The following NFIA variants were observed in gnomAD, a reference collection of about 807,000 sequenced individuals.
NFIA encodes nuclear factor I A, also known as nuclear factor 1 A-type.
NFIA carries 8 observed loss-of-function variants against 62.8 expected under a neutral mutation model. The ratio of observed to expected loss-of-function variants is 0.13; its 90% CI spans 0.07 to 0.23. The LOEUF (loss-of-function observed/expected upper bound fraction) is 0.23, where lower values mean the gene tolerates loss of function less well. Among genes scored for constraint, NFIA ranks in the 10% least tolerant of loss-of-function variants. The pLI is 1.00. For synonymous variants in NFIA, 235 were observed against 238.1 expected (o/e 0.99, Z 0.12); for missense variants, 410 against 642.1 (o/e 0.64, Z 3.91).
chr1:61,288,854 A>T (rs1570520059), intron 3 of NFIA, among the ~76,000 whole-genome samples: 1 of 152,030 alleles, frequency 6.6e-6, no homozygotes, highest in Non-Finnish European at 1.5e-5. Context: ...TGCAGCCTCA[A>T]CCTCCCAGGC....
intron 9 of NFIA, among the ~76,000 whole-genome samples, chr1:61,417,184 G>A (rs1363920731): frequency 6.6e-5 from 10 of 151,212 alleles, no homozygotes; most frequent in Admixed American, 5.9e-4. Context: ...TAGGAAATTT[G>A]CAAAATATAG....
chr1:61,226,189 C>G (rs1260558721), intron 2 of NFIA, among the ~76,000 whole-genome samples: 2 of 152,124 alleles, frequency 1.3e-5, no homozygotes, highest in Non-Finnish European at 2.9e-5. Flanking sequence ...GGTTATTAAA[C>G]CAAAGTTTGC....
chr1:61,339,175 G>T (rs1661772106), intron 4 of NFIA, among the ~76,000 whole-genome samples: 1 of 152,080 alleles, frequency 6.6e-6, no homozygotes, highest in African/African-American at 2.4e-5. Context: ...ATGGAACTCG[G>T]CATAATTGGA....
chr1:61,400,327 T>C (rs77075332), intron 7 of NFIA, among the ~76,000 whole-genome samples: 3,770 of 152,326 alleles, frequency 0.025, 60 homozygotes, highest in Non-Finnish European at 0.041. Context: ...CCCAAACAGT[T>C]GTTTTAAACA....
chr1:61,320,110 CT>C (rs34013347), intron 3 of NFIA, among the ~76,000 whole-genome samples: 169 of 145,820 alleles, frequency 1.2e-3, no homozygotes, highest in Middle Eastern at 3.4e-3. Flanking sequence ...CATTCTACTT[CT>C]TTTTTTTTTT....
chr1:61,320,568 A>G (rs1359997189), intron 3 of NFIA, among the ~76,000 whole-genome samples: 2 of 152,156 alleles, frequency 1.3e-5, no homozygotes, highest in Admixed American at 6.6e-5. Context: ...GATTTTTAAA[A>G]AATATTATTG....
chr1:61,429,495 C>T (rs1013411718), intron 10 of NFIA, among the ~76,000 whole-genome samples: 2 of 152,196 alleles, frequency 1.3e-5, no homozygotes, highest in Non-Finnish European at 2.9e-5. Context: ...AACTGATGCT[C>T]ACTTCTCAGG....
At chr1:61,352,333 G>C (rs908689925) in intron 4 of NFIA, 117 bp from the exon 5 acceptor site, 1 of 678,872 alleles carries the variant, frequency 1.5e-6, no homozygotes, top group Admixed American at 2.6e-5. Context: ...GATTATTTTC[G>C]ATTCGCTTAC....
chr1:61,178,427 T>C (rs1427679232), intron 2 of NFIA, among the ~76,000 whole-genome samples: 1 of 152,190 alleles, frequency 6.6e-6, no homozygotes, highest in Non-Finnish European at 1.5e-5. Flanking sequence ...TGCTAGGTGC[T>C]TTTCCAAATG....
chr1:61,082,006 G>C (rs1439348143), upstream of NFIA: 8 of 1,550,038 alleles, frequency 5.2e-6, no homozygotes, highest in Non-Finnish European at 7.0e-6. Context: ...GGCCCGGGGG[G>C]TGCGGGGCAA....
chr1:61,273,682 G>A (rs1229331601), intron 2 of NFIA, among the ~76,000 whole-genome samples: 2 of 152,172 alleles, frequency 1.3e-5, no homozygotes, highest in Non-Finnish European at 2.9e-5. Flanking sequence ...AGAGTAGGAA[G>A]GAACTCCTTT....
At chr1:61,115,567 G>A (rs1487140973) in intron 2 of NFIA, among the ~76,000 whole-genome samples, 2 of 152,226 alleles carry the variant, frequency 1.3e-5, no homozygotes, top group Non-Finnish European at 2.9e-5. Flanking sequence ...CAGGGACAGA[G>A]CATGGAGATG....
chr1:61,439,476 A>ACAT (rs1667482890), intron 10 of NFIA: 1 of 151,946 alleles, frequency 6.6e-6, no homozygotes, highest in Non-Finnish European at 1.5e-5. Context: ...GACGAGTATT[A>ACAT]TGGGAAACAT....
chr1:61,116,354 T>C (rs1327954235), intron 2 of NFIA, among the ~76,000 whole-genome samples: 1 of 152,182 alleles, frequency 6.6e-6, no homozygotes, highest in Non-Finnish European at 1.5e-5. Context: ...TTAGTGCAAA[T>C]ATGCAGAAAA....
intron 7 of NFIA, among the ~76,000 whole-genome samples, chr1:61,393,652 A>C (rs1557754142): frequency 6.6e-6 from 1 of 152,240 alleles, no homozygotes; most frequent in South Asian, 2.1e-4. Context: ...GGTTAAGTCC[A>C]TCCTAACCAC....
At chr1:61,091,342 C>CT (rs58806413) in intron 2 of NFIA, among the ~76,000 whole-genome samples, 9,838 of 147,286 alleles carry the variant, frequency 0.067, 789 homozygotes, top group East Asian at 0.37. Context: ...CAGAATCAAT[C>CT]TTTTTTTTTT....
At chr1:61,119,616 A>G (rs1332541136) in intron 2 of NFIA, among the ~76,000 whole-genome samples, 1 of 152,198 alleles carries the variant, frequency 6.6e-6, no homozygotes, top group African/African-American at 2.4e-5. Context: ...TTTTGCATGG[A>G]CTCAGACTAA....
chr1:61,162,882 A>C (rs1649315526), intron 2 of NFIA, among the ~76,000 whole-genome samples: 1 of 152,108 alleles, frequency 6.6e-6, no homozygotes, highest in Non-Finnish European at 1.5e-5. Context: ...AACAGAGTGA[A>C]AGTTTATATA....
intron 3 of NFIA, among the ~76,000 whole-genome samples, chr1:61,320,724 A>T (rs1660637987): frequency 6.6e-6 from 1 of 152,120 alleles, no homozygotes; most frequent in Non-Finnish European, 1.5e-5. Context: ...GATTCTCTGT[A>T]AATGGTCTGT....
Sources: allele counts gnomAD v4.1 joint callset (sites outside exome capture counted in the v4.1 genomes callset), GRCh38; gene constraint gnomAD v4.1.1; transcripts MANE v1.5; gene names NCBI Gene and HGNC (gene_info 2026-07-23, HGNC 2026-07-21).